Variants in SPAG6 observed in about 807,000 individuals in gnomAD.
SPAG6 encodes sperm-associated antigen 6.
A neutral mutation model predicts 58.5 loss-of-function variants in SPAG6; 49 were observed. That is an observed-to-expected ratio of 0.84 (90% CI 0.67 to 1.06). SPAG6 has a LOEUF of 1.06. Among genes scored for constraint, SPAG6 ranks in the 50% least tolerant of loss-of-function variants. The probability of loss-of-function intolerance (pLI) is 0.00; values close to 1 mark genes in which losing one functional copy is unlikely to be tolerated. For missense variants in SPAG6, 560 were observed against 611.3 expected, an observed-to-expected ratio of 0.92 and a Z score of 0.89; for synonymous variants, 233 against 225.6, an observed-to-expected ratio of 1.03 and a Z score of -0.29.
intron 8 of SPAG6, among the ~76,000 whole-genome samples, chr10:22,393,933 T>A (rs182473544): frequency 2.6e-5 from 4 of 152,336 alleles, no homozygotes; most frequent in Admixed American, 2.6e-4. Flanking sequence ...AAGCCCATGT[T>A]GAAGTTCATT....
At chr10:22,413,088 AGAACT>A (rs1834781557) in intron 10 of SPAG6, 1 of 149,520 alleles carries the variant, frequency 6.7e-6, no homozygotes, top group South Asian at 2.1e-4. Flanking sequence ...AAAAAAAAAA[AGAACT>A]AAAGTGTCCC....
At chr10:22,404,868 T>C (rs1236302289) in intron 9 of SPAG6, among the ~76,000 whole-genome samples, 1 of 152,206 alleles carries the variant, frequency 6.6e-6, no homozygotes, top group Admixed American at 6.5e-5. Context: ...CCCTTGTAAG[T>C]TGGATTCCTA....
At chr10:22,416,484 C>A in intron 10 of SPAG6, 135 bp from the exon 11 acceptor site, 1 of 547,242 alleles carries the variant, frequency 1.8e-6, no homozygotes, top group Non-Finnish European at 3.4e-6. Flanking sequence ...CAAAGCATTA[C>A]TGGAGCATAA....
intron 2 of SPAG6, among the ~76,000 whole-genome samples, chr10:22,356,906 A>G (rs1053053921): frequency 6.6e-6 from 1 of 152,116 alleles, no homozygotes; most frequent in Non-Finnish European, 1.5e-5. Flanking sequence ...CTGTCACTGC[A>G]CTGACATCAA....
intron 10 of SPAG6, chr10:22,413,155 A>C (rs1293413251): frequency 3.6e-5 from 5 of 140,432 alleles, no homozygotes; most frequent in Admixed American, 6.7e-5. Flanking sequence ...TTTATTGAAG[A>C]GAAGTTTTTT....
chr10:22,380,017 C>A (rs1053692603), intron 4 of SPAG6, among the ~76,000 whole-genome samples: 1 of 152,026 alleles, frequency 6.6e-6, no homozygotes, highest in Admixed American at 6.6e-5. Flanking sequence ...TGGTCTTGAA[C>A]CCCTGGATGC....
intron 2 of SPAG6, among the ~76,000 whole-genome samples, chr10:22,353,409 T>C (rs1045855300): frequency 6.6e-6 from 1 of 152,256 alleles, no homozygotes; most frequent in Non-Finnish European, 1.5e-5. Context: ...GTCTATATGG[T>C]GTGGGGTGAT....
chr10:22,355,533 C>T (rs778210102), intron 2 of SPAG6, among the ~76,000 whole-genome samples: 8 of 152,124 alleles, frequency 5.3e-5, no homozygotes, highest in Non-Finnish European at 7.4e-5. Context: ...ATTATTCTTG[C>T]TCATAATAGT....
chr10:22,356,264 T>C (rs1836863838), intron 2 of SPAG6, among the ~76,000 whole-genome samples: 1 of 152,254 alleles, frequency 6.6e-6, no homozygotes, highest in Admixed American at 6.5e-5. Context: ...TTTAACATGC[T>C]GTGTCAAGGA....
At position 22,386,900 on chromosome 10, in the gene SPAG6, G is replaced by C. The variant is rs777669088; in HGVS notation, c.619G>C (p.Asp207His). Residue 207 changes from aspartate to histidine, a missense_variant, in exon 5 of 11, where the codon GAT becomes CAT. Asp to His is a moderately conservative substitution (Grantham distance 81, BLOSUM62 -1). Transcript: ENST00000376624. ...HSPELAQTVV[D>H]AGAVAHLAQM... ...TCCAGAGTTAGCACAGACAGTAGTG[G>C]ATGCAGGAGCTGTTGCTCATTTAGC... 2 of 1,613,858 alleles carry C rather than the reference G, an allele frequency of 1.2e-6. No individual in the cohort carries two copies. Among genetic ancestry groups the C allele is most frequent in the Non-Finnish European group, 1.7e-6 (2 of 1,179,818 alleles).
At chr10:22,359,382 AT>A in intron 2 of SPAG6, 1 of 345,106 alleles carries the variant, frequency 2.9e-6, no homozygotes, top group Non-Finnish European at 4.1e-6. Flanking sequence ...TATCTAACAT[AT>A]TTTATAAATT....
At chr10:22,362,653 C>G (rs568424782) in intron 2 of SPAG6, among the ~76,000 whole-genome samples, 1 of 151,932 alleles carries the variant, frequency 6.6e-6, no homozygotes, top group Admixed American at 6.6e-5. Context: ...TTGCTTGAAC[C>G]TGAGAGGTTG....
chr10:22,360,994 C>T (rs1241028938), intron 2 of SPAG6: 2 of 640,392 alleles, frequency 3.1e-6, no homozygotes, highest in South Asian at 1.9e-5. Context: ...ACAAAGTCTC[C>T]ATGTTTAATA....
chr10:22,411,840 C>CTTTTTTTTTTTTTTT (rs546172800), intron 10 of SPAG6, among the ~76,000 whole-genome samples: 8 of 66,792 alleles, frequency 1.2e-4, no homozygotes, highest in African/African-American at 4.7e-4. Flanking sequence ...ACAACTGAAT[C>CTTTTTTTTTTTTTTT]TTTTTTTTTT....
At chr10:22,403,705 G>A (rs1473803725) in intron 9 of SPAG6, among the ~76,000 whole-genome samples, 2 of 145,730 alleles carry the variant, frequency 1.4e-5, no homozygotes, top group Non-Finnish European at 3.0e-5. Context: ...CTGAGGAATC[G>A]CCACACTGAC....
At chr10:22,374,679 A>T (rs1455167516) in intron 4 of SPAG6, among the ~76,000 whole-genome samples, 1 of 150,960 alleles carries the variant, frequency 6.6e-6, no homozygotes, top group Non-Finnish European at 1.5e-5. Flanking sequence ...GGGAGGCTGA[A>T]GTGGGAGGAT....
At chr10:22,412,592 C>T in intron 10 of SPAG6, 2 of 774,392 alleles carry the variant, frequency 2.6e-6, no homozygotes, top group South Asian at 1.8e-5. Flanking sequence ...TATAATTAGT[C>T]TACATATAAC....
intron 2 of SPAG6, 87 bp from the exon 3 acceptor site, chr10:22,364,766 A>G (rs947652693): frequency 6.5e-5 from 61 of 931,884 alleles, no homozygotes; most frequent in Non-Finnish European, 9.3e-5. Context: ...TTTCCCTTTA[A>G]TTTTACTGTC....
intron 4 of SPAG6, among the ~76,000 whole-genome samples, chr10:22,378,055 CTTTTTTTTT>C (rs776198268): frequency 1.1e-4 from 13 of 123,012 alleles, no homozygotes; most frequent in South Asian, 7.5e-4. Context: ...CTTTTCTTTT[CTTTTTTTTT>C]TTTTTTTTTT....
Sources: allele counts gnomAD v4.1 joint callset (sites outside exome capture counted in the v4.1 genomes callset), GRCh38; gene constraint gnomAD v4.1.1; transcripts MANE v1.5; gene names NCBI Gene and HGNC (gene_info 2026-07-23, HGNC 2026-07-21).